TRAPPC9: variants seen among roughly 807,000 people sequenced by gnomAD.
TRAPPC9 encodes IKK2 binding protein.
TRAPPC9 carries 83 observed loss-of-function variants against 124.0 expected under a neutral mutation model. The observed-to-expected ratio is 0.67, with a 90% confidence interval of 0.56 to 0.80. The LOEUF (loss-of-function observed/expected upper bound fraction) is 0.80, where lower values mean the gene tolerates loss of function less well. Among genes scored for constraint, TRAPPC9 ranks in the 30% least tolerant of loss-of-function variants. The probability of loss-of-function intolerance (pLI) is 0.00; values close to 1 mark genes in which losing one functional copy is unlikely to be tolerated. For synonymous variants in TRAPPC9, 638 were observed against 617.5 expected (o/e 1.03, Z -0.49); for missense variants, 1,302 against 1,508.3 (o/e 0.86, Z 2.27).
intron 18 of TRAPPC9, among the ~76,000 whole-genome samples, chr8:140,010,154 TAA>T (rs1202926605): frequency 2.6e-5 from 4 of 152,246 alleles, no homozygotes; most frequent in Non-Finnish European, 5.9e-5. Flanking sequence ...TTTTAACAAC[TAA>T]ATTTGTGGAA....
chr8:140,444,528 T>C (rs1004778246), intron 2 of TRAPPC9, among the ~76,000 whole-genome samples: 4 of 151,968 alleles, frequency 2.6e-5, no homozygotes, highest in Admixed American at 6.6e-5. Context: ...TTAGAAGAAG[T>C]GGCAGCTGCA....
intron 17 of TRAPPC9, among the ~76,000 whole-genome samples, chr8:140,062,808 C>A (rs1842701472): frequency 6.6e-6 from 1 of 152,180 alleles, no homozygotes; most frequent in South Asian, 2.1e-4. Context: ...GGAGGGTCTT[C>A]ATTCCATCCC....
At chr8:139,933,103 AGT>A (rs1459402302) in intron 19 of TRAPPC9, 3 of 154,728 alleles carry the variant, frequency 1.9e-5, no homozygotes, top group Non-Finnish European at 4.3e-5. Context: ...GGACTTCCTC[AGT>A]GTTTGTTTTT....
At chr8:140,020,192 T>C (rs1839749276) in intron 18 of TRAPPC9, among the ~76,000 whole-genome samples, 1 of 152,232 alleles carries the variant, frequency 6.6e-6, no homozygotes, top group Non-Finnish European at 1.5e-5. Flanking sequence ...GAACCAACTG[T>C]TGGTTTCACC....
In TRAPPC9 at chr8:139,947,868, C is replaced by CA. The variant is rs34765655; in HGVS notation, c.2811-37569dup. The stretch of plus-strand genomic sequence containing the variant: ...GGGCCACAAGAGCAAAATTCCGTCT[C>CA]AAAAAAAAAAAAAAGAAATATGTGT... On this transcript the variant is annotated intron_variant, in intron 19 of 22. Transcript: ENST00000438773. 6.5e-3 allele frequency among the ~76,000 whole-genome samples: 390 copies of CA among 60,324 alleles called. 17 individuals are homozygous for CA. Among genetic ancestry groups the CA allele is most frequent in the African/African-American group, 9.8e-3 (140 of 14,328 alleles). 39.6% of individuals were successfully genotyped at this position (60,324 alleles called of 152,430 possible). A position where few individuals can be genotyped will look rare whatever the true frequency, so the allele number is the denominator to read the frequency against.
chr8:139,970,169 C>T (rs923042028), intron 19 of TRAPPC9, among the ~76,000 whole-genome samples: 4 of 152,148 alleles, frequency 2.6e-5, no homozygotes, highest in African/African-American at 7.2e-5. Context: ...GGAAGCACCT[C>T]GGAAACAGGC....
At chr8:139,738,731 G>A (rs1181939399) in intron 21 of TRAPPC9, among the ~76,000 whole-genome samples, 3 of 152,188 alleles carry the variant, frequency 2.0e-5, no homozygotes, top group Non-Finnish European at 4.4e-5. Context: ...ACAGGTAGGG[G>A]TCTGAGGACA....
intron 20 of TRAPPC9, among the ~76,000 whole-genome samples, chr8:139,899,400 T>G (rs67323973): frequency 0.14 from 21,561 of 152,120 alleles, 1,745 homozygotes; most frequent in Admixed American, 0.19. Context: ...AAGAAAATAT[T>G]AAGAAAATCA....
At chr8:140,403,220 G>C (rs1253015343) in intron 6 of TRAPPC9, among the ~76,000 whole-genome samples, 1 of 152,146 alleles carries the variant, frequency 6.6e-6, no homozygotes, top group Non-Finnish European at 1.5e-5. Context: ...CTTGAGGTCA[G>C]GAGTTCGAGA....
intron 21 of TRAPPC9, among the ~76,000 whole-genome samples, chr8:139,789,851 G>A (rs1394655525): frequency 2.0e-5 from 3 of 152,144 alleles, no homozygotes; most frequent in South Asian, 2.1e-4. Context: ...CTCCAGGACC[G>A]GTACATCCCT....
At chr8:139,972,746 G>C (rs552057075) in intron 19 of TRAPPC9, among the ~76,000 whole-genome samples, 2 of 152,362 alleles carry the variant, frequency 1.3e-5, no homozygotes, top group East Asian at 3.9e-4. Flanking sequence ...GGGTCACAGA[G>C]AGAATGAAAA....
chr8:140,279,163 G>C (rs981233912), intron 14 of TRAPPC9, among the ~76,000 whole-genome samples: 7 of 152,188 alleles, frequency 4.6e-5, no homozygotes, highest in Non-Finnish European at 8.8e-5. Flanking sequence ...CAAAGACAGG[G>C]TCAACCTCTA....
chr8:140,308,405 C>T (rs1329599153), intron 10 of TRAPPC9, among the ~76,000 whole-genome samples: 7 of 151,428 alleles, frequency 4.6e-5, no homozygotes, highest in Non-Finnish European at 7.4e-5. Context: ...ACTGAGGTTC[C>T]GTGGGTTTAC....
chr8:140,041,580 C>A (rs1241223446), intron 17 of TRAPPC9, among the ~76,000 whole-genome samples: 1 of 152,268 alleles, frequency 6.6e-6, no homozygotes, highest in Non-Finnish European at 1.5e-5. Context: ...CATCACCCAA[C>A]CCCTTCTGCA....
At chr8:140,406,923 G>A (rs1235573206) in intron 5 of TRAPPC9, among the ~76,000 whole-genome samples, 1 of 152,178 alleles carries the variant, frequency 6.6e-6, no homozygotes, top group African/African-American at 2.4e-5. Flanking sequence ...ATCCAAATCA[G>A]CACGACCCGG....
chr8:140,128,974 T>A (rs13439461), intron 17 of TRAPPC9, among the ~76,000 whole-genome samples: 73,230 of 126,920 alleles, frequency 0.58, 19,524 homozygotes, highest in African/African-American at 0.74. Context: ...TATAATAAAA[T>A]ATATATATAT....
intron 19 of TRAPPC9, among the ~76,000 whole-genome samples, chr8:139,944,990 G>T (rs937314201): frequency 3.3e-5 from 5 of 152,078 alleles, no homozygotes; most frequent in Non-Finnish European, 7.4e-5. Context: ...TGGGTGTGGT[G>T]GCATGCACCT....
chr8:139,824,295 C>G (rs1315521947), intron 21 of TRAPPC9, among the ~76,000 whole-genome samples: 1 of 152,184 alleles, frequency 6.6e-6, no homozygotes, highest in Non-Finnish European at 1.5e-5. Context: ...CGCCGGGTCA[C>G]TGTGACGATG....
chr8:139,792,875 A>G (rs1202604931), intron 21 of TRAPPC9, among the ~76,000 whole-genome samples: 1 of 152,238 alleles, frequency 6.6e-6, no homozygotes, highest in East Asian at 1.9e-4. Flanking sequence ...CATCATTCAC[A>G]GGGAAGCAAG....
Sources: allele counts gnomAD v4.1 joint callset (sites outside exome capture counted in the v4.1 genomes callset), GRCh38; gene constraint gnomAD v4.1.1; transcripts MANE v1.5; gene names NCBI Gene and HGNC (gene_info 2026-07-23, HGNC 2026-07-21).